The following GLYATL2 variants were observed in gnomAD, a reference collection of about 807,000 sequenced individuals.
The protein encoded by GLYATL2 is glycine N-acyltransferase-like protein 2.
Under a neutral mutation model 21.4 loss-of-function variants are expected in GLYATL2, and 25 were observed. The observed-to-expected ratio is 1.17, with a 90% CI of 0.85 to 1.63. GLYATL2 has a LOEUF of 1.63. Among genes scored for constraint, GLYATL2 ranks in the 40% most tolerant of loss-of-function variants. GLYATL2 has a pLI of 0.00. For synonymous variants in GLYATL2, 114 were observed against 118.2 expected (o/e 0.96, Z 0.23); for missense variants, 361 against 343.3 (o/e 1.05, Z -0.41).
chr11:58,855,529 T>C (rs1033106649), intron 1 of GLYATL2, among the ~76,000 whole-genome samples: 1 of 152,244 alleles, frequency 6.6e-6, no homozygotes, highest in Non-Finnish European at 1.5e-5. Context: ...AGCATAATTC[T>C]TAAGGACCCC....
intron 1 of GLYATL2, among the ~76,000 whole-genome samples, chr11:58,896,589 G>A (rs1854639026): frequency 6.6e-6 from 1 of 152,122 alleles, no homozygotes; most frequent in Admixed American, 6.5e-5. Flanking sequence ...CCTGATGAAT[G>A]CCACGGCTGC....
chr11:58,869,552 C>T (rs749206273), intron 1 of GLYATL2, among the ~76,000 whole-genome samples: 14 of 152,156 alleles, frequency 9.2e-5, no homozygotes, highest in Non-Finnish European at 1.9e-4. Context: ...ATTACTATCT[C>T]GTGGCTAGAG....
intron 1 of GLYATL2, among the ~76,000 whole-genome samples, chr11:58,872,723 C>G (rs1481355949): frequency 3.3e-5 from 5 of 152,234 alleles, no homozygotes; most frequent in East Asian, 1.9e-4. Flanking sequence ...TAGCATGATG[C>G]CTCCAGCTTT....
intron 1 of GLYATL2, among the ~76,000 whole-genome samples, chr11:58,903,608 G>A (rs2134631768): frequency 6.6e-6 from 1 of 152,242 alleles, no homozygotes; most frequent in East Asian, 1.9e-4. Flanking sequence ...AGGAGGTTGA[G>A]CTTACAGTGA....
At chr11:58,838,393 G>A in intron 2 of GLYATL2, 25 bp from the exon 3 acceptor site, 1 of 1,446,232 alleles carries the variant, frequency 6.9e-7, no homozygotes, top group South Asian at 1.2e-5. Flanking sequence ...AACAAAGCAG[G>A]AGAGGATGAA....
chr11:58,879,177 C>T (rs543678394), intron 1 of GLYATL2, among the ~76,000 whole-genome samples: 769 of 4,016 alleles, frequency 0.19, 4 homozygotes, highest in African/African-American at 0.25. Context: ...CAGTCCCTTC[C>T]ATTTTTTTTT....
chr11:58,885,403 C>T (rs1240105744), intron 1 of GLYATL2: 2 of 397,032 alleles, frequency 5.0e-6, no homozygotes. Flanking sequence ...GGGATCTCAA[C>T]CTCTCCTAGT....
At chr11:58,860,856 T>A (rs1197267635) in intron 1 of GLYATL2, among the ~76,000 whole-genome samples, 1 of 152,068 alleles carries the variant, frequency 6.6e-6, no homozygotes, top group African/African-American at 2.4e-5. Context: ...TATCAAGTGA[T>A]CATTGGATTT....
At chr11:58,863,313 A>T (rs1853965333) in intron 1 of GLYATL2, among the ~76,000 whole-genome samples, 1 of 152,156 alleles carries the variant, frequency 6.6e-6, no homozygotes, top group Non-Finnish European at 1.5e-5. Context: ...GCCTACTGGG[A>T]TGAGCCTGGA....
At chr11:58,903,680 A>G (rs1199636744) in intron 1 of GLYATL2, among the ~76,000 whole-genome samples, 1 of 152,094 alleles carries the variant, frequency 6.6e-6, no homozygotes, top group Non-Finnish European at 1.5e-5. Flanking sequence ...CTCAAAAAAC[A>G]AAATAAAATA....
chr11:58,907,345 T>C (rs1285059748), upstream of GLYATL2: 1 of 456,316 alleles, frequency 2.2e-6, no homozygotes, highest in Admixed American at 2.3e-5. Flanking sequence ...TGCCCTTCCT[T>C]GCGACACTGG....
At position 58,844,530 on chromosome 11, in the gene GLYATL2, A is replaced by G. The variant is rs1472199982; in HGVS notation, c.-137T>C. 2.0e-5 allele frequency: 3 copies of G among 152,338 alleles called. No homozygotes were observed. Among genetic ancestry groups the G allele is most frequent in the South Asian group, 4.1e-4 (2 of 4,824 alleles). The allele number at this position is 152,338 out of a possible 1,614,324, so 9.4% of individuals were successfully genotyped here. A position where few individuals can be genotyped will look rare whatever the true frequency, so the allele number is the denominator to read the frequency against. ...TGTAGCTAATACTCTACGGACTGAA[A>G]CACAATAAAATTCAACTGACTCACG... is the stretch of plus-strand genomic sequence containing the variant. On this transcript the variant is annotated 5_prime_UTR_variant, in exon 1 of 6. Transcript: ENST00000287275.
upstream of GLYATL2, among the ~76,000 whole-genome samples, chr11:58,906,393 A>C (rs1854886127): frequency 6.6e-6 from 1 of 152,126 alleles, no homozygotes; most frequent in African/African-American, 2.4e-5. Flanking sequence ...ATAGAATGAG[A>C]CCAGGTTCGG....
chr11:58,846,238 T>C (rs544688593), upstream of GLYATL2, among the ~76,000 whole-genome samples: 8 of 152,066 alleles, frequency 5.3e-5, no homozygotes, highest in South Asian at 1.7e-3. Flanking sequence ...TTAAATTTTT[T>C]TTATATAGTT....
At chr11:58,889,326 C>T (rs918559066) in intron 1 of GLYATL2, among the ~76,000 whole-genome samples, 4 of 151,852 alleles carry the variant, frequency 2.6e-5, no homozygotes, top group Admixed American at 2.6e-4. Context: ...ACACGTAATA[C>T]TGTACTCTGC....
At chr11:58,841,623 A>G (rs188473115) in intron 1 of GLYATL2, among the ~76,000 whole-genome samples, 2 of 152,348 alleles carry the variant, frequency 1.3e-5, no homozygotes, top group African/African-American at 2.4e-5. Flanking sequence ...GAATAAATCT[A>G]TTGACACAAA....
intron 1 of GLYATL2, among the ~76,000 whole-genome samples, chr11:58,878,847 AG>A (rs1327673404): frequency 6.6e-6 from 1 of 152,222 alleles, no homozygotes; most frequent in Non-Finnish European, 1.5e-5. Flanking sequence ...GATAACTTAG[AG>A]TGGAACATTT....
intron 1 of GLYATL2, among the ~76,000 whole-genome samples, chr11:58,884,017 G>T (rs561079062): frequency 6.6e-6 from 1 of 152,232 alleles, no homozygotes; most frequent in South Asian, 2.1e-4. Context: ...AAATTCAACA[G>T]TCCTTCACGC....
At chr11:58,842,615 G>A (rs1173559750) in intron 1 of GLYATL2, among the ~76,000 whole-genome samples, 1 of 151,306 alleles carries the variant, frequency 6.6e-6, no homozygotes, top group African/African-American at 2.4e-5. Flanking sequence ...CCCCTGAACT[G>A]GAAAAAGCCA....
Sources: gnomAD v4.1 joint callset for allele counts (sites outside exome capture counted in the v4.1 genomes callset) on GRCh38, gnomAD v4.1.1 for gene constraint, MANE v1.5 for transcripts, NCBI Gene and HGNC (gene_info 2026-07-23, HGNC 2026-07-21) for gene names.